The following ROBO2 variants were observed in gnomAD, a reference collection of about 807,000 sequenced individuals.
ROBO2 encodes the protein roundabout guidance receptor 2.
A neutral mutation model predicts 160.8 loss-of-function variants in ROBO2; 53 were observed. The observed-to-expected ratio is 0.33, with a 90% CI of 0.26 to 0.41. ROBO2 has a LOEUF of 0.41. Among genes scored for constraint, ROBO2 ranks in the 10% least tolerant of loss-of-function variants. ROBO2 has a pLI of 1.00. For synonymous variants in ROBO2, 664 were observed against 611.7 expected, an observed-to-expected ratio of 1.09 and a Z score of -1.26; for missense variants, 1,577 against 1,722.4, an observed-to-expected ratio of 0.92 and a Z score of 1.49.
chr3:76,555,469 G>T (rs924393530), intron 2 of ROBO2, among the ~76,000 whole-genome samples: 1 of 151,336 alleles, frequency 6.6e-6, no homozygotes, highest in Non-Finnish European at 1.5e-5. Flanking sequence ...AGAGGGAAAA[G>T]AAAAAATAGA....
At chr3:77,171,376 T>A (rs2079617008) in intron 2 of ROBO2, among the ~76,000 whole-genome samples, 1 of 152,226 alleles carries the variant, frequency 6.6e-6, no homozygotes, top group Non-Finnish European at 1.5e-5. Flanking sequence ...AGAAAACTGA[T>A]CTTAGAAATT....
At chr3:76,255,228 G>A (rs1706282476) in intron 2 of ROBO2, among the ~76,000 whole-genome samples, 1 of 152,114 alleles carries the variant, frequency 6.6e-6, no homozygotes, top group Admixed American at 6.6e-5. Context: ...GAAAAAGTTA[G>A]TGTTTGCAGA....
chr3:76,429,904 A>G (rs1482914548), intron 2 of ROBO2, among the ~76,000 whole-genome samples: 6 of 152,044 alleles, frequency 3.9e-5, no homozygotes, highest in African/African-American at 7.2e-5. Flanking sequence ...GACTGACCCA[A>G]TTGCTTTGGG....
intron 2 of ROBO2, among the ~76,000 whole-genome samples, chr3:77,016,434 T>A (rs998346689): frequency 6.6e-6 from 1 of 152,148 alleles, no homozygotes; most frequent in Non-Finnish European, 1.5e-5. Flanking sequence ...AATACCACAT[T>A]TTCCCTATCT....
intron 2 of ROBO2, among the ~76,000 whole-genome samples, chr3:76,583,164 A>C: frequency 6.6e-6 from 1 of 152,174 alleles, no homozygotes; most frequent in East Asian, 1.9e-4. Flanking sequence ...GCTCCGTTGT[A>C]AATATCACAT....
chr3:76,226,676 T>C, intron 2 of ROBO2, among the ~76,000 whole-genome samples: 1 of 152,164 alleles, frequency 6.6e-6, no homozygotes, highest in East Asian at 1.9e-4. Context: ...TAAAAAAAAT[T>C]AGTTACAATT....
intron 2 of ROBO2, among the ~76,000 whole-genome samples, chr3:75,998,504 G>A (rs648535): frequency 0.8 from 121,034 of 152,114 alleles, 48,721 homozygotes; most frequent in East Asian, 0.97. Context: ...GGCTTTTACA[G>A]GGAACACATA....
At chr3:76,971,919 A>G (rs1420630267) in intron 2 of ROBO2, among the ~76,000 whole-genome samples, 1 of 152,210 alleles carries the variant, frequency 6.6e-6, no homozygotes, top group Non-Finnish European at 1.5e-5. Flanking sequence ...TAACCTGGCA[A>G]TTAAATCACA....
intron 2 of ROBO2, among the ~76,000 whole-genome samples, chr3:76,061,350 C>G (rs1319674484): frequency 1.3e-5 from 2 of 152,110 alleles, no homozygotes; most frequent in African/African-American, 4.8e-5. Context: ...TGTTTGAGCT[C>G]TCTGTGTTTA....
chr3:77,042,279 AT>A lies in ROBO2; in HGVS notation c.61+1438del, dbSNP rs542059128. On this transcript the variant is annotated intron_variant, in intron 1 of 25. Transcript: ENST00000461745. ...ATCTCTAATTATTTTTCATGCATTT[AT>A]TTTTCAGTACATTAAAATACGTGTA... Among the ~76,000 whole-genome samples, 491 of 152,258 alleles carry A rather than the reference AT, an allele frequency of 3.2e-3. 2 individuals carry two copies. Among genetic ancestry groups the A allele is most frequent in the African/African-American group, 0.011 (465 of 41,538 alleles).
At position 76,035,100 on chromosome 3, in the gene ROBO2, T is replaced by C. The variant is rs187075847; in HGVS notation, c.109+97498T>C. ...CCCATGTGTGCTAATTTCTAGACCT[T>C]CATATGTTTTATCTTTGAAGCTATA... On this transcript the variant is annotated intron_variant, in intron 2 of 26. Coordinates refer to the ROBO2 transcript ENST00000487694. Among the ~76,000 whole-genome samples the C allele has an allele frequency of 1.2e-3, 188 of 152,152 alleles. 7 individuals carry two copies. The highest frequency in any genetic ancestry group is 4.4e-3 in the African/African-American group (181 of 41,406).
intron 2 of ROBO2, among the ~76,000 whole-genome samples, chr3:76,787,798 C>T (rs2063089608): frequency 2.0e-5 from 3 of 151,308 alleles, no homozygotes; most frequent in African/African-American, 7.3e-5. Context: ...ACAGCAAGTA[C>T]TAGGTTATAA....
intron 1 of ROBO2, among the ~76,000 whole-genome samples, chr3:77,097,401 G>A (rs1016592517): frequency 6.6e-5 from 10 of 151,902 alleles, no homozygotes; most frequent in Non-Finnish European, 1.2e-4. Context: ...TCTATGCAGC[G>A]TATTGCATTT....
At chr3:76,049,049 C>T (rs758928278) in intron 2 of ROBO2, among the ~76,000 whole-genome samples, 3 of 152,090 alleles carry the variant, frequency 2.0e-5, no homozygotes, top group African/African-American at 7.2e-5. Context: ...TTAAAAACCA[C>T]ACAAGATACA....
intron 2 of ROBO2, among the ~76,000 whole-genome samples, chr3:76,580,596 T>C (rs913925712): frequency 1.3e-4 from 20 of 152,164 alleles, no homozygotes; most frequent in African/African-American, 4.6e-4. Flanking sequence ...TAAATTATTT[T>C]TCCCTCCTAT....
intron 2 of ROBO2, among the ~76,000 whole-genome samples, chr3:77,360,175 A>G (rs1207083758): frequency 1.3e-5 from 2 of 152,066 alleles, no homozygotes; most frequent in Non-Finnish European, 2.9e-5. Flanking sequence ...TGCAGGAAGC[A>G]GTGTCAGGGC....
intron 2 of ROBO2, among the ~76,000 whole-genome samples, chr3:76,027,372 C>T (rs1282882171): frequency 6.6e-6 from 1 of 151,812 alleles, no homozygotes. Flanking sequence ...TGTTTGGGAT[C>T]CTTGACATTA....
chr3:77,052,513 C>G (rs528211013), intron 1 of ROBO2, among the ~76,000 whole-genome samples: 2 of 152,284 alleles, frequency 1.3e-5, no homozygotes, highest in South Asian at 4.1e-4. Flanking sequence ...CAAGAAAGGT[C>G]TTCATACTAC....
chr3:76,229,381 C>G (rs937020762), intron 2 of ROBO2, among the ~76,000 whole-genome samples: 1 of 150,246 alleles, frequency 6.7e-6, no homozygotes, highest in Non-Finnish European at 1.5e-5. Context: ...ATTACAATAA[C>G]TAATTTAGCT....
Sources: allele counts gnomAD v4.1 joint callset (sites outside exome capture counted in the v4.1 genomes callset), GRCh38; gene constraint gnomAD v4.1.1; transcripts MANE v1.5; gene names NCBI Gene and HGNC (gene_info 2026-07-23, HGNC 2026-07-21).